Variants in RARB observed in about 807,000 individuals in gnomAD.
RARB encodes the protein retinoic acid receptor beta.
In RARB, 17 loss-of-function variants were observed where a neutral mutation model predicts 51.9. The observed-to-expected ratio is 0.33, with a 90% CI of 0.22 to 0.49. The LOEUF (loss-of-function observed/expected upper bound fraction) is 0.49. Ranked by LOEUF, RARB falls within the 20% of genes least tolerant of loss-of-function variation. The pLI is 0.99. For synonymous variants in RARB, 215 were observed against 195.4 expected (o/e 1.10, Z -0.84); for missense variants, 369 against 550.8 (o/e 0.67, Z 3.30).
intron 2 of RARB, among the ~76,000 whole-genome samples, chr3:24,997,452 T>C (rs1417458313): frequency 3.9e-5 from 6 of 152,100 alleles, no homozygotes; most frequent in Non-Finnish European, 8.8e-5. Flanking sequence ...TGGCCATTGA[T>C]AGGTGAGGAC....
chr3:24,981,875 C>T lies in RARB; in HGVS notation c.-379-78250C>T, dbSNP rs144958772. The stretch of plus-strand genomic sequence containing the variant: ...TCACCCATCCTCTGCCTCTATCTCC[C>T]TGGGAGCTGTAGACCAGAGCTATTC... On this transcript the variant is annotated intron_variant, in intron 2 of 11. Transcript: ENST00000383772. Among the ~76,000 whole-genome samples the T allele has an allele frequency of 1.6e-3, 248 of 152,298 alleles. 1 individual carries two copies. In the East Asian group the frequency reaches 0.036, roughly 22 times the overall value.
chr3:24,891,472 C>T (rs1302388676), intron 2 of RARB, among the ~76,000 whole-genome samples: 1 of 152,198 alleles, frequency 6.6e-6, no homozygotes, highest in Non-Finnish European at 1.5e-5. Context: ...GAGAAACTCA[C>T]ATCTGAAGTG....
chr3:24,928,924 T>C (rs1256468353), intron 2 of RARB, among the ~76,000 whole-genome samples: 2 of 152,004 alleles, frequency 1.3e-5, no homozygotes, highest in African/African-American at 2.4e-5. Context: ...TACTTAGAAA[T>C]ACCAAACTTT....
intron 2 of RARB, among the ~76,000 whole-genome samples, chr3:25,017,513 T>C (rs1207266376): frequency 1.3e-5 from 2 of 152,202 alleles, no homozygotes; most frequent in Non-Finnish European, 2.9e-5. Flanking sequence ...GCATTTTTAA[T>C]ATATGTTCTA....
chr3:24,857,011 C>A (rs1200399585), intron 1 of RARB, among the ~76,000 whole-genome samples: 2 of 152,194 alleles, frequency 1.3e-5, no homozygotes, highest in African/African-American at 4.8e-5. Context: ...CTAAGCTGCA[C>A]CTGATAGTTC....
intron 3 of RARB, among the ~76,000 whole-genome samples, chr3:25,524,978 C>G (rs565450129): frequency 1.3e-5 from 2 of 152,182 alleles, no homozygotes; most frequent in African/African-American, 4.8e-5. Context: ...ATCCACCCCC[C>G]TCAGCCTCCC....
At chr3:25,371,497 A>G (rs955396138) in intron 5 of RARB, among the ~76,000 whole-genome samples, 7 of 152,224 alleles carry the variant, frequency 4.6e-5, no homozygotes, top group African/African-American at 1.7e-4. Context: ...AATATCTTTC[A>G]TGGTTTCTGA....
intron 2 of RARB, among the ~76,000 whole-genome samples, chr3:24,899,684 A>G (rs1703556787): frequency 6.6e-6 from 1 of 152,164 alleles, no homozygotes; most frequent in South Asian, 2.1e-4. Flanking sequence ...AAAATTGCAG[A>G]TGAGCCTTCA....
chr3:25,485,104 C>G (rs1696398636), intron 2 of RARB, among the ~76,000 whole-genome samples: 1 of 152,134 alleles, frequency 6.6e-6, no homozygotes, highest in African/African-American at 2.4e-5. Context: ...TTTTCTTTTA[C>G]TGTCAAATTA....
chr3:25,526,906 G>T (rs928704791), intron 3 of RARB, among the ~76,000 whole-genome samples: 9 of 152,200 alleles, frequency 5.9e-5, no homozygotes, highest in African/African-American at 1.9e-4. Flanking sequence ...GCCAATGAAT[G>T]TTCTTGCCAG....
intron 2 of RARB, among the ~76,000 whole-genome samples, chr3:25,488,409 A>C (rs1053373097): frequency 6.6e-6 from 1 of 152,240 alleles, no homozygotes; most frequent in African/African-American, 2.4e-5. Context: ...CTTTTGGATG[A>C]GTTCAAAATA....
chr3:25,059,676 G>A (rs1698509166), intron 2 of RARB, among the ~76,000 whole-genome samples: 1 of 151,742 alleles, frequency 6.6e-6, no homozygotes, highest in African/African-American at 2.4e-5. Context: ...TCAAGGTGAT[G>A]CTGTTTACAA....
At position 25,305,455 on chromosome 3, in the gene RARB, C is replaced by T. The variant is rs527688859; in HGVS notation, c.178+130880C>T. Among the ~76,000 whole-genome samples, 6 of 152,214 alleles carry T rather than the reference C, an allele frequency of 3.9e-5. No homozygotes were observed. The East Asian group carries it at 1.2e-3, about 29-fold the overall frequency. Reference sequence around the variant, plus strand: ...CCCAAAAGGCAAAAACCACAGTTTGCTTGTTTAAAGGCTTATTTTAAATTG... The same window carrying T: ...CCCAAAAGGCAAAAACCACAGTTTGTTTGTTTAAAGGCTTATTTTAAATTG... On this transcript the variant is annotated intron_variant, in intron 5 of 11. Coordinates refer to the RARB transcript ENST00000383772.
intron 5 of RARB, among the ~76,000 whole-genome samples, chr3:25,359,560 T>G (rs1705862975): frequency 6.6e-6 from 1 of 152,326 alleles, no homozygotes; most frequent in Non-Finnish European, 1.5e-5. Flanking sequence ...CTTTTAATTG[T>G]GATGTTAGAG....
chr3:24,981,235 C>A (rs1468655045), intron 2 of RARB, among the ~76,000 whole-genome samples: 1 of 152,218 alleles, frequency 6.6e-6, no homozygotes, highest in Admixed American at 6.5e-5. Context: ...CAGGGACCCA[C>A]TTGAGGAGGC....
chr3:25,325,367 A>G (rs1388916603), intron 5 of RARB, among the ~76,000 whole-genome samples: 4 of 151,992 alleles, frequency 2.6e-5, no homozygotes, highest in African/African-American at 4.8e-5. Flanking sequence ...AGCCTGTTCT[A>G]TCAGCAAGGT....
intron 5 of RARB, among the ~76,000 whole-genome samples, chr3:25,365,052 A>G (rs1356806368): frequency 2.0e-5 from 3 of 152,106 alleles, no homozygotes; most frequent in African/African-American, 7.2e-5. Context: ...GGGGATATCT[A>G]GAAATTTCCC....
intron 5 of RARB, among the ~76,000 whole-genome samples, chr3:25,178,968 T>G (rs77756495): frequency 1.8e-4 from 27 of 152,276 alleles, no homozygotes; most frequent in Admixed American, 3.3e-4. Flanking sequence ...TATTGTTAAG[T>G]GTTTTGGCTT....
rs185822628 is a variant in RARB, at chr3:25,456,823, A to G, written c.158-4370A>G. Among the ~76,000 whole-genome samples the G allele has an allele frequency of 3.0e-3, 458 of 151,196 alleles. 2 individuals carry two copies. The highest frequency in any genetic ancestry group is 5.3e-3 in the Admixed American group (80 of 15,170). ...CCCTTTCTGTTTTTGTGGCATTTGT[A>G]GCATTCAAATTATGTTCATTTATGG... is the stretch of plus-strand genomic sequence containing the variant. On this transcript the variant is annotated intron_variant, in intron 1 of 7. Coordinates refer to ENST00000330688, the MANE Select transcript of RARB (RefSeq NM_000965.5).
Sources: gnomAD v4.1 joint callset for allele counts (sites outside exome capture counted in the v4.1 genomes callset) on GRCh38, gnomAD v4.1.1 for gene constraint, MANE v1.5 for transcripts, NCBI Gene and HGNC (gene_info 2026-07-23, HGNC 2026-07-21) for gene names.